ACTN2: variants seen among roughly 807,000 people sequenced by gnomAD.
ACTN2 encodes the protein alpha-actinin-2.
A neutral mutation model predicts 113.8 loss-of-function variants in ACTN2; 39 were observed. That is an observed-to-expected ratio of 0.34 (90% confidence interval 0.27 to 0.45). The LOEUF (loss-of-function observed/expected upper bound fraction) is 0.45. Among genes scored for constraint, ACTN2 ranks in the 20% least tolerant of loss-of-function variants. The pLI is 1.00. For missense variants in ACTN2, 992 were observed against 1,177.9 expected, an observed-to-expected ratio of 0.84 and a Z score of 2.31; for synonymous variants, 429 against 444.1, an observed-to-expected ratio of 0.97 and a Z score of 0.43.
chr1:236,743,836 G>A (rs571636833), intron 11 of ACTN2, among the ~76,000 whole-genome samples: 1 of 152,304 alleles, frequency 6.6e-6, no homozygotes, highest in African/African-American at 2.4e-5. Flanking sequence ...ATCTAGCAGG[G>A]CTTCAGTGTC....
At chr1:236,757,405 C>T in intron 17 of ACTN2, 81 bp from the exon 18 acceptor site, 1 of 1,567,990 alleles carries the variant, frequency 6.4e-7, no homozygotes, top group East Asian at 2.2e-5. Context: ...TTTGAGTCGG[C>T]TGTACTGTTA....
At position 236,755,122 on chromosome 1, in the gene ACTN2, A is replaced by G. The variant is rs1572146545; in HGVS notation, c.2078A>G (p.Asp693Gly). The change falls in exon 17 of 21, where the codon GAC becomes GGC. Residue 693 changes from aspartate to glycine, a missense_variant. Asp to Gly is a moderately conservative substitution (Grantham distance 94). Around this residue, in one of 3 missense-constraint regions of ACTN2, gnomAD observed 736 missense variants for 815.4 expected, o/e 0.90. Coordinates refer to ENST00000366578, the MANE Select transcript of ACTN2 (RefSeq NM_001103.4). ...HNIINYKNNIDKLEGDHQLIQ... is the reference protein window; with the variant it reads ...HNIINYKNNIGKLEGDHQLIQ... ...ATCATCAACTATAAGAACAACATCGACAAGCTGGAGGGAGACCATCAGCTC... is the reference window on the plus strand; with the variant it reads ...ATCATCAACTATAAGAACAACATCGGCAAGCTGGAGGGAGACCATCAGCTC... 1.2e-6 allele frequency: 2 copies of G among 1,614,200 alleles called. No homozygotes were observed. Among genetic ancestry groups the G allele is most frequent in the Non-Finnish European group, 8.5e-7 (1 of 1,180,050 alleles).
In ACTN2 at chr1:236,717,805, G is replaced by C. The variant is rs1428660903; in HGVS notation, c.127-53G>C. ...GGTGTCAAGTGTCGTCTGTGAGGAA[G>C]GGATCTGAAATCCGATGGACCTGTG... On this transcript the variant is annotated intron_variant, in intron 1 of 20. Transcript: ENST00000366578. 4.0e-6 allele frequency: 5 copies of C among 1,264,930 alleles called. No individual in the cohort carries two copies. The Admixed American group carries it at 8.6e-5, about 22-fold the overall frequency. 78.4% of individuals were successfully genotyped at this position (1,264,930 alleles called of 1,614,324 possible).
chr1:236,761,631 G>A (rs911328465), intron 20 of ACTN2, among the ~76,000 whole-genome samples: 3 of 152,170 alleles, frequency 2.0e-5, no homozygotes, highest in African/African-American at 7.2e-5. Context: ...CGTTCAGTCA[G>A]TAAAAAATTG....
intron 1 of ACTN2, among the ~76,000 whole-genome samples, chr1:236,712,771 T>C (rs1658067738): frequency 6.6e-6 from 1 of 152,196 alleles, no homozygotes; most frequent in Non-Finnish European, 1.5e-5. Context: ...TATCCAGAAG[T>C]GCTTCTGATG....
At chr1:236,753,860 CA>C in intron 15 of ACTN2, 86 bp from the exon 16 acceptor site, 1 of 1,320,870 alleles carries the variant, frequency 7.6e-7, no homozygotes, top group South Asian at 1.2e-5. Context: ...CTCCCACCCC[CA>C]CCCCTTGGAC....
At chr1:236,737,297 G>GTGTATATATATATATATATATATATATA in intron 9 of ACTN2, 83 bp downstream of exon 9, 20 of 322,236 alleles carry the variant, frequency 6.2e-5, no homozygotes, top group African/African-American at 3.3e-4. Context: ...CTCCGTGGGG[G>GTGTATATATATATATATATATATATATA]CATATATATA....
At chr1:236,755,273 T>C in intron 17 of ACTN2, 75 bp downstream of exon 17, 2 of 1,541,936 alleles carry the variant, frequency 1.3e-6, no homozygotes, top group South Asian at 2.2e-5. Flanking sequence ...GCTTTCTTCA[T>C]GCACTTGTCT....
chr1:236,760,496 C>T (rs1002369322), intron 19 of ACTN2, among the ~76,000 whole-genome samples: 1 of 152,176 alleles, frequency 6.6e-6, no homozygotes, highest in African/African-American at 2.4e-5. Flanking sequence ...AGTCGTAAAT[C>T]AGCCAAGATA....
At chr1:236,742,804 A>G in intron 10 of ACTN2, 92 bp from the exon 11 acceptor site, 5 of 1,469,212 alleles carry the variant, frequency 3.4e-6, no homozygotes, top group Non-Finnish European at 4.8e-6. Context: ...ATCAAAATGT[A>G]GTGGAGGGAT....
intron 1 of ACTN2, among the ~76,000 whole-genome samples, chr1:236,710,407 A>G (rs1657989447): frequency 1.3e-5 from 2 of 152,242 alleles, no homozygotes; most frequent in Admixed American, 1.3e-4. Flanking sequence ...GTCCTGTTAC[A>G]TAATTTCACT....
intron 1 of ACTN2, among the ~76,000 whole-genome samples, chr1:236,709,312 A>G (rs1217456030): frequency 7.0e-6 from 1 of 141,878 alleles, no homozygotes; most frequent in Non-Finnish European, 1.5e-5. Flanking sequence ...ATATACGTAT[A>G]TATGTATATA....
chr1:236,690,706 C>A (rs1473874685), intron 1 of ACTN2, among the ~76,000 whole-genome samples: 1 of 152,162 alleles, frequency 6.6e-6, no homozygotes, highest in African/African-American at 2.4e-5. Context: ...GACTTGTGAG[C>A]ATGAGATTTG....
At chr1:236,759,633 C>A (rs1659648887) in intron 18 of ACTN2, 91 bp from the exon 19 acceptor site, 6 of 1,101,946 alleles carry the variant, frequency 5.4e-6, no homozygotes, top group South Asian at 5.0e-5. Context: ...GCTCAAAGTG[C>A]TTCTCTTACC....
intron 10 of ACTN2, among the ~76,000 whole-genome samples, chr1:236,740,907 C>T (rs185440389): frequency 2.6e-5 from 4 of 152,272 alleles, no homozygotes; most frequent in South Asian, 4.2e-4. Flanking sequence ...CCTTCACCAG[C>T]GAGGCCTTCT....
chr1:236,688,833 C>T (rs1665966605), intron 1 of ACTN2, among the ~76,000 whole-genome samples: 1 of 152,124 alleles, frequency 6.6e-6, no homozygotes, highest in Non-Finnish European at 1.5e-5. Flanking sequence ...ACTGCTGGAA[C>T]CGGACAAGGG....
At chr1:236,727,296 T>C (rs1243714522) in intron 5 of ACTN2, among the ~76,000 whole-genome samples, 1 of 152,064 alleles carries the variant, frequency 6.6e-6, no homozygotes, top group Non-Finnish European at 1.5e-5. Context: ...AGGGTAGACG[T>C]CCTTGTGTAT....
chr1:236,761,897 G>T (rs1659719170), intron 20 of ACTN2, among the ~76,000 whole-genome samples: 1 of 152,032 alleles, frequency 6.6e-6, no homozygotes, highest in Non-Finnish European at 1.5e-5. Flanking sequence ...TTAAAATAAT[G>T]TTTTCTTTAA....
At chr1:236,737,513 A>G (rs1316613270) in intron 9 of ACTN2, among the ~76,000 whole-genome samples, 1 of 147,850 alleles carries the variant, frequency 6.8e-6, no homozygotes, top group East Asian at 2.0e-4. Context: ...CTGCACCTCC[A>G]GGGTTGGACA....
Sources: allele counts gnomAD v4.1 joint callset (sites outside exome capture counted in the v4.1 genomes callset), GRCh38; gene constraint gnomAD v4.1.1; regional missense constraint gnomAD v4.1.1; transcripts MANE v1.5; gene names NCBI Gene and HGNC (gene_info 2026-07-23, HGNC 2026-07-21).